SHANK2: variants seen among roughly 807,000 people sequenced by gnomAD.
The protein encoded by SHANK2 is SH3 and multiple ankyrin repeat domains 2.
SHANK2 carries 43 observed loss-of-function variants against 133.7 expected under a neutral mutation model. The observed-to-expected ratio is 0.32, with a 90% confidence interval of 0.25 to 0.41. The LOEUF (loss-of-function observed/expected upper bound fraction) is 0.41, where lower values mean the gene tolerates loss of function less well. Among genes scored for constraint, SHANK2 ranks in the 10% least tolerant of loss-of-function variants. SHANK2 has a pLI of 1.00. For missense variants in SHANK2, 1,994 were observed against 2,235.8 expected (o/e 0.89, Z 2.18); for synonymous variants, 1,017 against 952.8 (o/e 1.07, Z -1.24).
intron 11 of SHANK2, among the ~76,000 whole-genome samples, chr11:70,847,909 T>C (rs781808230): frequency 6.6e-6 from 1 of 152,120 alleles, no homozygotes; most frequent in Non-Finnish European, 1.5e-5. Flanking sequence ...GGAGACCACG[T>C]CCTCCCAGGC....
chr11:70,684,900 T>C (rs991679854), intron 15 of SHANK2, among the ~76,000 whole-genome samples: 1 of 152,178 alleles, frequency 6.6e-6, no homozygotes, highest in Admixed American at 6.5e-5. Flanking sequence ...GAGATCCCTC[T>C]TGGCTCAAAT....
chr11:71,064,955 C>T (rs1037657972), intron 9 of SHANK2, among the ~76,000 whole-genome samples: 16 of 152,064 alleles, frequency 1.1e-4, no homozygotes, highest in Admixed American at 6.5e-4. Flanking sequence ...TTCTAGAAGG[C>T]GCACAAGGAC....
chr11:70,928,306 G>C (rs1012931377), intron 10 of SHANK2, among the ~76,000 whole-genome samples: 1 of 152,162 alleles, frequency 6.6e-6, no homozygotes, highest in Non-Finnish European at 1.5e-5. Flanking sequence ...TGCTTGAAGG[G>C]GGAAAACTGG....
chr11:70,501,151 T>G (rs1591509436), intron 20 of SHANK2, among the ~76,000 whole-genome samples: 1 of 151,966 alleles, frequency 6.6e-6, no homozygotes, highest in Non-Finnish European at 1.5e-5. Flanking sequence ...TGGTTCTGGG[T>G]GGGTGGGGCA....
intron 17 of SHANK2, among the ~76,000 whole-genome samples, chr11:70,588,394 C>T (rs916591566): frequency 2.6e-5 from 4 of 152,172 alleles, no homozygotes; most frequent in Admixed American, 6.5e-5. Context: ...TCCTCTTGCA[C>T]CAGTTTAGCC....
chr11:71,225,442 G>C (rs893632435), intron 1 of SHANK2, among the ~76,000 whole-genome samples: 1 of 152,170 alleles, frequency 6.6e-6, no homozygotes, highest in Admixed American at 6.5e-5. Flanking sequence ...AGGCAGCATG[G>C]GGAGCCTGGA....
intron 2 of SHANK2, among the ~76,000 whole-genome samples, chr11:71,148,139 C>T (rs1477227658): frequency 1.3e-5 from 2 of 149,488 alleles, no homozygotes; most frequent in Admixed American, 1.3e-4. Flanking sequence ...GGCTGGAGTG[C>T]AATGGCGTGA....
chr11:70,828,672 GCCTGGCTGCCTGC>G (rs1555057698), intron 11 of SHANK2, among the ~76,000 whole-genome samples: 2 of 152,216 alleles, frequency 1.3e-5, no homozygotes, highest in East Asian at 3.9e-4. Context: ...CCATGTGCTG[GCCTGGCTGCCTGC>G]CCTGGCTGGC....
chr11:70,845,715 C>T (rs782792819), intron 11 of SHANK2, among the ~76,000 whole-genome samples: 6 of 152,084 alleles, frequency 3.9e-5, no homozygotes, highest in East Asian at 1.9e-4. Flanking sequence ...ATGAAACAGA[C>T]GGCCCCGGGT....
intron 25 of SHANK2, among the ~76,000 whole-genome samples, chr11:70,481,437 C>T (rs2058732457): frequency 6.6e-6 from 1 of 152,106 alleles, no homozygotes; most frequent in South Asian, 2.1e-4. Context: ...TGGATTCTTG[C>T]AAGAAGTGAA....
At chr11:70,508,196 C>T (rs2135862549) in intron 17 of SHANK2, among the ~76,000 whole-genome samples, 1 of 152,358 alleles carries the variant, frequency 6.6e-6, no homozygotes, top group African/African-American at 2.4e-5. Flanking sequence ...CACCAGGGCT[C>T]ATGGGGGTGG....
At chr11:70,903,741 T>C (rs955727187) in intron 10 of SHANK2, among the ~76,000 whole-genome samples, 3 of 152,180 alleles carry the variant, frequency 2.0e-5, no homozygotes, top group Non-Finnish European at 4.4e-5. Context: ...GCCACATGCA[T>C]TGCAACACCG....
At chr11:71,196,611 GGA>G (rs1201275478) in intron 2 of SHANK2, among the ~76,000 whole-genome samples, 15 of 151,934 alleles carry the variant, frequency 9.9e-5, no homozygotes, top group Non-Finnish European at 2.1e-4. Context: ...TGCTAAAAAG[GGA>G]GAGAGACTAG....
At chr11:70,594,883 T>C (rs1420699566) in intron 17 of SHANK2, among the ~76,000 whole-genome samples, 4 of 152,130 alleles carry the variant, frequency 2.6e-5, no homozygotes, top group Non-Finnish European at 5.9e-5. Flanking sequence ...CATGCCCCTC[T>C]GCATGCACCT....
intron 11 of SHANK2, among the ~76,000 whole-genome samples, chr11:70,858,496 C>A (rs1334377543): frequency 3.9e-5 from 6 of 152,234 alleles, no homozygotes; most frequent in African/African-American, 1.4e-4. Context: ...AAGGCAGATT[C>A]CAACCTGACC....
chr11:70,583,748 GCAGTCTTT>G (rs2060213317), intron 17 of SHANK2, among the ~76,000 whole-genome samples: 1 of 152,188 alleles, frequency 6.6e-6, no homozygotes, highest in East Asian at 1.9e-4. Context: ...TGTCCCTTCT[GCAGTCTTT>G]TGTCCACCCA....
intron 17 of SHANK2, among the ~76,000 whole-genome samples, chr11:70,658,654 G>A (rs782316938): frequency 1.9e-4 from 29 of 152,172 alleles, no homozygotes; most frequent in African/African-American, 5.3e-4. Context: ...CCATTGCCCC[G>A]TAATAGTCCT....
At chr11:70,685,439 G>C (rs1945124805) in intron 15 of SHANK2, among the ~76,000 whole-genome samples, 1 of 151,910 alleles carries the variant, frequency 6.6e-6, no homozygotes, top group Non-Finnish European at 1.5e-5. Flanking sequence ...CTTGACCTTG[G>C]GGGCAGTAGA....
intron 8 of SHANK2, among the ~76,000 whole-genome samples, chr11:71,085,570 A>G: frequency 1.5e-5 from 1 of 68,826 alleles, no homozygotes; most frequent in Middle Eastern, 8.9e-3. Flanking sequence ...TATATAAAAT[A>G]TATATTATAT....
Sources: gnomAD v4.1 joint callset for allele counts (sites outside exome capture counted in the v4.1 genomes callset) on GRCh38, gnomAD v4.1.1 for gene constraint, MANE v1.5 for transcripts, NCBI Gene and HGNC (gene_info 2026-07-23, HGNC 2026-07-21) for gene names.